Variants in SLC11A2 observed in about 807,000 individuals in gnomAD.
The protein encoded by SLC11A2 is natural resistance-associated macrophage protein 2.
In SLC11A2, 38 loss-of-function variants were observed where a neutral mutation model predicts 68.0. The observed-to-expected ratio is 0.56, with a 90% confidence interval of 0.43 to 0.73. The LOEUF (loss-of-function observed/expected upper bound fraction) is 0.73, where lower values mean the gene tolerates loss of function less well. Ranked by LOEUF, SLC11A2 falls within the 30% of genes least tolerant of loss-of-function variation. The pLI, the probability that SLC11A2 is intolerant of heterozygous loss-of-function variation, is 0.00. For missense variants in SLC11A2, 517 were observed against 690.5 expected, an observed-to-expected ratio of 0.75 and a Z score of 2.82; for synonymous variants, 242 against 250.6, an observed-to-expected ratio of 0.97 and a Z score of 0.32.
intron 1 of SLC11A2, among the ~76,000 whole-genome samples, chr12:51,020,705 G>GA (rs1324385078): frequency 6.6e-6 from 1 of 152,072 alleles, no homozygotes; most frequent in African/African-American, 2.4e-5. Context: ...AGATTTGGGG[G>GA]AAAAAACGGT....
chr12:50,997,679 C>CA (rs35477132), intron 8 of SLC11A2, among the ~76,000 whole-genome samples: 3,607 of 44,974 alleles, frequency 0.08, 1,467 homozygotes, highest in Non-Finnish European at 0.088. Flanking sequence ...GACTCTGTCT[C>CA]AAAAAAAAAA....
At position 51,009,197 on chromosome 12, in the gene SLC11A2, G is replaced by A. The variant is rs1237046326; in HGVS notation, c.35-573C>T. On this transcript the variant is annotated intron_variant, in intron 2 of 15. Coordinates refer to ENST00000262052, the MANE Select transcript of SLC11A2 (RefSeq NM_000617.3). ...AGTTACAAAATCCTGCCACAGTTCA[G>A]GCTAAACTCTGAAGCTGCAGCAAAA... The A allele has an allele frequency of 5.9e-5, 87 of 1,472,366 alleles. No individual in the cohort carries two copies. In the Middle Eastern group the frequency reaches 7.0e-4, roughly 12 times the overall value. The allele number at this position is 1,472,366 out of a possible 1,614,324, so 91.2% of individuals were successfully genotyped here. A position where few individuals can be genotyped will look rare whatever the true frequency, so the allele number is the denominator to read the frequency against.
the SLC11A2 span, among the ~76,000 whole-genome samples, chr12:50,956,563 CT>C: frequency 4.6e-5 from 7 of 152,128 alleles, no homozygotes; most frequent in African/African-American, 1.4e-4. Flanking sequence ...TATATTTACA[CT>C]GTTCAAATCA....
rs375705399 is a variant in SLC11A2 at position 50,986,522 on chromosome 12, C to G, written c.*1803G>C. On this transcript the variant is annotated 3_prime_UTR_variant, in exon 16 of 16. Coordinates refer to ENST00000262052, the MANE Select transcript of SLC11A2 (RefSeq NM_000617.3). ...TTGTAAATCTGAGACTGACTGGACC[C>G]ACCCAGACCCAGGGCAAAGATACAT... The G allele has an allele frequency of 6.8e-5, 87 of 1,283,802 alleles. No individual in the cohort carries two copies. The East Asian group carries it at 2.5e-3, about 37-fold the overall frequency. The allele number at this position is 1,283,802 out of a possible 1,614,324, so 79.5% of individuals were successfully genotyped here.
At chr12:51,001,851 A>T (rs966168720) in intron 5 of SLC11A2, among the ~76,000 whole-genome samples, 1 of 152,108 alleles carries the variant, frequency 6.6e-6, no homozygotes, top group Non-Finnish European at 1.5e-5. Flanking sequence ...AACCACCACC[A>T]CAACAACAGA....
intron 3 of SLC11A2, among the ~76,000 whole-genome samples, chr12:51,007,175 T>C (rs568358661): frequency 8.5e-5 from 13 of 152,326 alleles, no homozygotes; most frequent in African/African-American, 2.6e-4. Context: ...GGCTGATGTC[T>C]GCCTGTAACT....
At chr12:51,027,920 G>GT (rs1383700753), upstream of SLC11A2, among the ~76,000 whole-genome samples, 1 of 93,048 alleles carries the variant, frequency 1.1e-5, no homozygotes, top group African/African-American at 3.3e-5. Context: ...AAAAAAGTGG[G>GT]GGGGGGGGGC....
At chr12:50,996,555 A>G (rs1941716709) in intron 9 of SLC11A2, among the ~76,000 whole-genome samples, 1 of 151,674 alleles carries the variant, frequency 6.6e-6, no homozygotes, top group Admixed American at 6.6e-5. Flanking sequence ...CAGCCTGGGC[A>G]ATAGAGTGAG....
At chr12:51,016,417 C>T (rs1183713177) in intron 1 of SLC11A2, among the ~76,000 whole-genome samples, 2 of 152,034 alleles carry the variant, frequency 1.3e-5, no homozygotes, top group African/African-American at 4.8e-5. Flanking sequence ...GGTGCAGTGG[C>T]TCACGCCTGT....
At chr12:50,956,507 A>C in the SLC11A2 span, among the ~76,000 whole-genome samples, 2 of 152,250 alleles carry the variant, frequency 1.3e-5, no homozygotes, top group African/African-American at 4.8e-5. Flanking sequence ...GGTAACTTAC[A>C]AAACATTTTT....
At chr12:50,968,850 T>G in the SLC11A2 span, among the ~76,000 whole-genome samples, 3 of 150,458 alleles carry the variant, frequency 2.0e-5, no homozygotes, top group African/African-American at 7.3e-5. Context: ...CCCTAATTTT[T>G]TTATTTTTTT....
the SLC11A2 span, chr12:50,961,067 C>A: frequency 6.2e-7 from 1 of 1,613,812 alleles, no homozygotes. Context: ...ATGAGAGTTG[C>A]TGCCCAAGGA....
chr12:51,025,847 T>C (rs1348649153), intron 1 of SLC11A2: 1 of 988,506 alleles, frequency 1.0e-6, no homozygotes, highest in Non-Finnish European at 1.2e-6. Flanking sequence ...ATAATGAGTC[T>C]TTTGTTGAAG....
Position 50,995,779 on chromosome 12 carries a change from C to T in SLC11A2, c.840G>A (p.Gln280=). 1 of 1,614,040 alleles carries T rather than the reference C, an allele frequency of 6.2e-7. No individual in the cohort carries two copies. The highest frequency in any genetic ancestry group is 8.5e-7 in the Non-Finnish European group (1 of 1,179,914). The change falls in exon 10 of 16, where the codon CAG becomes CAA. Residue 280 remains glutamine, a synonymous_variant. Transcript: ENST00000262052. ...YLHSALVKSR[Q]VNRNNKQEVR... is the part of the protein sequence containing the mutation. ...CTTCCTGCTTATTGTTCCGGTTTAC[C>T]TGTCTAGACTAGAAAGATAACAACA...
intron 1 of SLC11A2, among the ~76,000 whole-genome samples, chr12:51,011,001 G>C (rs1295664278): frequency 6.6e-6 from 1 of 152,196 alleles, no homozygotes; most frequent in African/African-American, 2.4e-5. Flanking sequence ...CCAAATTGAA[G>C]TGTTACAGCT....
the SLC11A2 span, among the ~76,000 whole-genome samples, chr12:50,952,772 C>T: frequency 1.3e-5 from 2 of 152,212 alleles, no homozygotes; most frequent in Non-Finnish European, 2.9e-5. Context: ...AGGGAGCGCA[C>T]CTCCTCTGGC....
At chr12:50,963,135 C>T in the SLC11A2 span, among the ~76,000 whole-genome samples, 12 of 151,650 alleles carry the variant, frequency 7.9e-5, no homozygotes, top group African/African-American at 7.3e-5. Flanking sequence ...TTTGGGAGGC[C>T]GAGGCAGGGG....
At chr12:50,982,046 A>G (rs1565972057), downstream of SLC11A2, among the ~76,000 whole-genome samples, 2 of 152,226 alleles carry the variant, frequency 1.3e-5, no homozygotes, top group African/African-American at 4.8e-5. Flanking sequence ...TAGCAAAATT[A>G]GCACTCTGAC....
At chr12:51,009,192 G>A in intron 2 of SLC11A2, 1 of 1,488,214 alleles carries the variant, frequency 6.7e-7, no homozygotes, top group Non-Finnish European at 8.9e-7. Context: ...TCCTGCCACA[G>A]TTCAGGCTAA....
Sources: allele counts gnomAD v4.1 joint callset (sites outside exome capture counted in the v4.1 genomes callset), GRCh38; gene constraint gnomAD v4.1.1; transcripts MANE v1.5; gene names NCBI Gene and HGNC (gene_info 2026-07-23, HGNC 2026-07-21).